Variants in PAX2 observed in about 807,000 individuals in gnomAD.
The protein encoded by PAX2 is paired box protein Pax-2.
A neutral mutation model predicts 41.7 loss-of-function variants in PAX2; 9 were observed. The observed-to-expected ratio is 0.22, with a 90% confidence interval of 0.13 to 0.38. The LOEUF (loss-of-function observed/expected upper bound fraction) is 0.38. Ranked by LOEUF, PAX2 falls within the 10% of genes least tolerant of loss-of-function variation. The pLI is 1.00. For missense variants in PAX2, 418 were observed against 531.6 expected (o/e 0.79, Z 2.10); for synonymous variants, 221 against 212.7 (o/e 1.04, Z -0.34).
At chr10:100,771,098 G>A (rs996164651) in intron 3 of PAX2, among the ~76,000 whole-genome samples, 4 of 152,304 alleles carry the variant, frequency 2.6e-5, no homozygotes, top group African/African-American at 9.6e-5. Context: ...GGTAGTTCAA[G>A]GGCAGTAGTT....
At chr10:100,770,193 A>T (rs1298876254) in intron 3 of PAX2, among the ~76,000 whole-genome samples, 2 of 152,076 alleles carry the variant, frequency 1.3e-5, no homozygotes, top group Admixed American at 1.3e-4. Context: ...CTGCAGAGGG[A>T]GGTGAGCATG....
In PAX2 at chr10:100,827,083, C is replaced by T. The variant is rs1317595421; in HGVS notation, c.1096C>T (p.Pro366Ser). ...AYNEAWRFSNPALLSSPYYYS... is the reference protein window; with the variant it reads ...AYNEAWRFSNSALLSSPYYYS... ...CAACGAGGCTTGGAGATTCAGCAAC[C>T]CCGCCTTACTAAGTGAGTACGCCAC... The change falls in exon 9 of 10, where the codon CCC (proline) becomes TCC (serine). Residue 366 changes from proline to serine, a missense_variant. By Grantham distance (74) the Pro-to-Ser change is moderately conservative. Around this residue, in one of 2 missense-constraint regions of PAX2, gnomAD observed 310 missense variants for 325.2 expected, o/e 0.95. Coordinates refer to ENST00000355243, the MANE Select transcript of PAX2 (RefSeq NM_000278.5). The surrounding 1 kb of genome is among the most constrained non-coding windows in gnomAD (Gnocchi z 8.5). The T allele has an allele frequency of 1.2e-6, 2 of 1,612,888 alleles. No individual in the cohort carries two copies. Among genetic ancestry groups the T allele is most frequent in the East Asian group, 2.2e-5 (1 of 44,868 alleles).
At chr10:100,808,548 C>G (rs1402097575) in intron 6 of PAX2, among the ~76,000 whole-genome samples, 1 of 152,174 alleles carries the variant, frequency 6.6e-6, no homozygotes, top group Non-Finnish European at 1.5e-5. Context: ...CAATGACTGG[C>G]CCCCTCCTAC....
intron 3 of PAX2, among the ~76,000 whole-genome samples, chr10:100,768,095 G>T (rs764066796): frequency 2.0e-5 from 3 of 149,962 alleles, no homozygotes; most frequent in Admixed American, 6.7e-5. Context: ...ATAAAAACAC[G>T]ATTGTGATGT....
In PAX2 at chr10:100,746,035, C is replaced by A; in HGVS notation, c.-226C>A. ...CTGACCGCCCAGCCCCGAGCCCCGA[C>A]AGTGGCAAGTTGCGGCTACTGCAGT... On this transcript the variant is annotated 5_prime_UTR_variant, in exon 1 of 10. Coordinates refer to ENST00000355243, the MANE Select transcript of PAX2 (RefSeq NM_000278.5). 1 of 1,440,854 alleles carries A rather than the reference C, an allele frequency of 6.9e-7. No homozygotes were observed. Among genetic ancestry groups the A allele is most frequent in the Non-Finnish European group, 9.1e-7 (1 of 1,104,696 alleles). The allele number at this position is 1,440,854 out of a possible 1,614,324, so 89.3% of individuals were successfully genotyped here.
At chr10:100,784,409 G>T (rs1254850596) in intron 5 of PAX2, among the ~76,000 whole-genome samples, 4 of 152,144 alleles carry the variant, frequency 2.6e-5, no homozygotes, top group Non-Finnish European at 5.9e-5. Context: ...GGAATGGAGG[G>T]GCTCATCTCC....
chr10:100,817,518 T>C (rs1053923271), intron 7 of PAX2, among the ~76,000 whole-genome samples: 2 of 152,218 alleles, frequency 1.3e-5, no homozygotes, highest in Non-Finnish European at 2.9e-5. Context: ...ACAGCATGAC[T>C]GGTTGTGTCC....
In PAX2 at chr10:100,824,802, G is replaced by T; in HGVS notation, c.1021+53G>T. ...TCTAGGTGGGGGGAACTAAATTGTGGGTGAGCTGCTGAATGGTCTGTAGTC... is the reference window on the plus strand; with the variant it reads ...TCTAGGTGGGGGGAACTAAATTGTGTGTGAGCTGCTGAATGGTCTGTAGTC... On this transcript the variant is annotated intron_variant, in intron 8 of 9. Coordinates refer to ENST00000355243, the MANE Select transcript of PAX2 (RefSeq NM_000278.5). This position sits in a 1 kb window ranked among gnomAD's most constrained non-coding sequence, Gnocchi z 6.6. 1 of 1,499,644 alleles carries T rather than the reference G, an allele frequency of 6.7e-7. No individual in the cohort carries two copies. The highest frequency in any genetic ancestry group is 2.3e-5 in the East Asian group (1 of 44,342). The allele number at this position is 1,499,644 out of a possible 1,614,324, so 92.9% of individuals were successfully genotyped here. A position where few individuals can be genotyped will look rare whatever the true frequency, so the allele number is the denominator to read the frequency against.
chr10:100,775,160 G>A (rs750545932), intron 3 of PAX2, among the ~76,000 whole-genome samples: 1 of 152,194 alleles, frequency 6.6e-6, no homozygotes, highest in Non-Finnish European at 1.5e-5. Flanking sequence ...GACCTTCCAG[G>A]TCAAACCTGC....
chr10:100,787,017 AGGGCCAGAGGGAACATGGCGTGG>A (rs1243049166), intron 5 of PAX2: 1 of 1,376,922 alleles, frequency 7.3e-7, no homozygotes, highest in Non-Finnish European at 9.8e-7. Context: ...AAGAGGTATG[AGGGCCAGAGGGAACATGGCGTGG>A]GGGTCAAGGG....
chr10:100,756,405 C>A (rs985818880), intron 3 of PAX2, among the ~76,000 whole-genome samples: 2 of 152,186 alleles, frequency 1.3e-5, no homozygotes, highest in South Asian at 4.1e-4. Context: ...AAGAAGAGAA[C>A]AATGGTGTAA....
Position 100,791,068 on chromosome 10 carries a change from C to T in PAX2, c.616+9703C>T, listed in dbSNP as rs1017615245. Among the ~76,000 whole-genome samples the T allele has an allele frequency of 2.0e-5, 3 of 152,248 alleles. No individual in the cohort carries two copies. The highest frequency in any genetic ancestry group is 6.5e-5 in the Admixed American group (1 of 15,290). The stretch of plus-strand genomic sequence containing the variant: ...AACCTGCACGGAGGCCTGGCCTTCC[C>T]TCCCTCCCATTCTTGGAGCCCTGTG... On this transcript the variant is annotated intron_variant, in intron 5 of 9. Transcript: ENST00000355243. The surrounding 1 kb of genome is among the most constrained non-coding windows in gnomAD (Gnocchi z 4.5).
chr10:100,757,197 G>A (rs1845664433), intron 3 of PAX2, among the ~76,000 whole-genome samples: 1 of 152,170 alleles, frequency 6.6e-6, no homozygotes, highest in Non-Finnish European at 1.5e-5. Flanking sequence ...CTGCTTTTAG[G>A]TGAAAAGGCC....
In PAX2 at chr10:100,827,557, T is replaced by C; in HGVS notation, c.1123T>C (p.Tyr375His). 1.9e-6 allele frequency: 3 copies of C among 1,613,900 alleles called. No individual in the cohort carries two copies. The change falls in exon 10 of 10, where the codon TAT (tyrosine) becomes CAT (histidine). Residue 375 changes from tyrosine (Y) to histidine (H), a missense_variant. Tyr to His is a moderately conservative substitution (Grantham distance 83). This residue lies in a region of PAX2 where 310 missense variants were observed against 325.2 expected (regional missense o/e 0.95). Coordinates refer to ENST00000355243, the MANE Select transcript of PAX2 (RefSeq NM_000278.5). This position sits in a 1 kb window ranked among gnomAD's most constrained non-coding sequence, Gnocchi z 8.5. ...TTAACTTCCAGGTTCCCCTTATTATTATAGTGCCGCCCCCCGGGGCTCCGC... is the reference window on the plus strand; with the variant it reads ...TTAACTTCCAGGTTCCCCTTATTATCATAGTGCCGCCCCCCGGGGCTCCGC... The part of the protein sequence containing the change: ...NPALLSSPYY[Y>H]SAAPRGSAPA...
At chr10:100,747,094 A>C (rs955088224) in intron 1 of PAX2, 6 of 152,266 alleles carry the variant, frequency 3.9e-5, no homozygotes, top group African/African-American at 1.4e-4. Flanking sequence ...CCGAGAAGAA[A>C]TCGAAGTCAG....
chr10:100,798,843 A>G (rs1022722010), intron 5 of PAX2, among the ~76,000 whole-genome samples: 7 of 152,016 alleles, frequency 4.6e-5, no homozygotes, highest in Non-Finnish European at 1.5e-5. Flanking sequence ...CCCTGTTCCC[A>G]GTTGGACCTC....
chr10:100,827,108 C>T lies in PAX2; in HGVS notation c.1108+13C>T, dbSNP rs1483400085. On this transcript the variant is annotated intron_variant, in intron 9 of 9. Transcript: ENST00000355243. This position sits in a 1 kb window ranked among gnomAD's most constrained non-coding sequence, Gnocchi z 8.5. ...CCCGCCTTACTAAGTGAGTACGCCA[C>T]CTGGCTGGCCGGCGGCTCAGCGCGG... The T allele has an allele frequency of 1.2e-6, 2 of 1,603,734 alleles. No individual in the cohort carries two copies. The highest frequency in any genetic ancestry group is 3.3e-5 in the Admixed American group (2 of 60,004).
In PAX2 at chr10:100,750,998, T is replaced by G; in HGVS notation, c.410+107T>G. ...CTCTTTGTCCAGCCTCTGCCCTTTC[T>G]CCCTGCTTCCAGCCCCAAATCCTTC... On this transcript the variant is annotated intron_variant, in intron 3 of 9. Transcript: ENST00000355243. This position sits in a 1 kb window ranked among gnomAD's most constrained non-coding sequence, Gnocchi z 4.1. 1 of 882,610 alleles carries G rather than the reference T, an allele frequency of 1.1e-6. No individual in the cohort carries two copies. Among genetic ancestry groups the G allele is most frequent in the East Asian group, 2.5e-5 (1 of 39,938 alleles). The allele number at this position is 882,610 out of a possible 1,614,324, so 54.7% of individuals were successfully genotyped here.
intron 3 of PAX2, among the ~76,000 whole-genome samples, chr10:100,764,289 G>A (rs907554685): frequency 6.6e-6 from 1 of 151,798 alleles, no homozygotes; most frequent in Non-Finnish European, 1.5e-5. Flanking sequence ...GACCACAGGC[G>A]CCCGCCACCA....
Sources: allele counts gnomAD v4.1 joint callset (sites outside exome capture counted in the v4.1 genomes callset), GRCh38; gene constraint gnomAD v4.1.1; regional missense constraint gnomAD v4.1.1; non-coding constraint Gnocchi (gnomAD v3.1); transcripts MANE v1.5; gene names NCBI Gene and HGNC (gene_info 2026-07-23, HGNC 2026-07-21).